The following SLC38A2 variants were observed in gnomAD, a reference collection of about 807,000 sequenced individuals.
SLC38A2 encodes solute carrier family 38 member 2.
Under a neutral mutation model 61.5 loss-of-function variants are expected in SLC38A2, and 11 were observed. That is an observed-to-expected ratio of 0.18 (90% CI 0.11 to 0.30). The LOEUF is 0.30. Ranked by LOEUF, SLC38A2 falls within the 10% of genes least tolerant of loss-of-function variation. The pLI is 1.00. For missense variants in SLC38A2, 522 were observed against 600.4 expected, an observed-to-expected ratio of 0.87 and a Z score of 1.36; for synonymous variants, 217 against 212.5, an observed-to-expected ratio of 1.02 and a Z score of -0.18.
intron 4 of SLC38A2, among the ~76,000 whole-genome samples, chr12:46,368,313 G>C (rs59371023): frequency 0.016 from 2,421 of 152,224 alleles, 63 homozygotes; most frequent in African/African-American, 0.054. Context: ...GTCTGTGCTA[G>C]AACAAGTAGG....
At chr12:46,362,232 G>A in intron 15 of SLC38A2, 52 bp downstream of exon 15, 1 of 1,380,890 alleles carries the variant, frequency 7.2e-7, no homozygotes, top group South Asian at 1.4e-5. Flanking sequence ...AAAATCAGTT[G>A]GGGAAATTTA....
chr12:46,371,523 C>G (rs1943200559), intron 1 of SLC38A2, 144 bp from the exon 2 acceptor site: 1 of 505,228 alleles, frequency 2.0e-6, no homozygotes, highest in Non-Finnish European at 3.5e-6. Context: ...CGGGGGCGCG[C>G]CGAGGGGCGG....
chr12:46,366,880 T>A lies in SLC38A2; in HGVS notation c.547A>T (p.Ile183Phe). 6.2e-7 allele frequency: 1 copy of A among 1,613,426 alleles called. No individual in the cohort carries two copies. The highest frequency in any genetic ancestry group is 8.5e-7 in the Non-Finnish European group (1 of 1,179,806). ...LPLVIQALTNIEDKTGLWYLN... is the reference protein window; with the variant it reads ...LPLVIQALTNFEDKTGLWYLN... Reference sequence around the variant, plus strand: ...AGCACCTACCCAGTTTTATCTTCAATGTTCGTTAATGCCTGGATCACCAAA... The same window carrying A: ...AGCACCTACCCAGTTTTATCTTCAAAGTTCGTTAATGCCTGGATCACCAAA... The change falls in exon 7 of 16, where the codon ATT (isoleucine) becomes TTT (phenylalanine). Residue 183 changes from isoleucine (I) to phenylalanine (F), a missense_variant. Around this residue, in one of 3 missense-constraint regions of SLC38A2, gnomAD observed 111 missense variants for 173.4 expected, o/e 0.64. Coordinates refer to ENST00000256689, the MANE Select transcript of SLC38A2 (RefSeq NM_018976.5).
At position 46,360,808 on chromosome 12, in the gene SLC38A2, C is replaced by A; in HGVS notation, c.*303G>T. ...ATATCCAAGTTAAACAATGACACAG[C>A]CAAGCATGTGGCTTGATAAAAGTTA... On this transcript the variant is annotated 3_prime_UTR_variant, in exon 16 of 16. Transcript: ENST00000256689. 3.3e-6 allele frequency: 1 copy of A among 302,730 alleles called. No individual in the cohort carries two copies. Among genetic ancestry groups the A allele is most frequent in the Non-Finnish European group, 6.1e-6 (1 of 164,836 alleles). The allele number at this position is 302,730 out of a possible 1,614,324, so 18.8% of individuals were successfully genotyped here.
intron 1 of SLC38A2, 99 bp from the exon 2 acceptor site, chr12:46,371,478 A>T (rs1384244577): frequency 7.1e-6 from 4 of 566,744 alleles, no homozygotes; most frequent in African/African-American, 2.0e-5. Flanking sequence ...ATCCCAGGCC[A>T]GGCGAGTGGA....
At chr12:46,368,338 G>A (rs1000112554) in intron 4 of SLC38A2, among the ~76,000 whole-genome samples, 9 of 152,094 alleles carry the variant, frequency 5.9e-5, no homozygotes, top group African/African-American at 9.7e-5. Context: ...CAGCTTGACT[G>A]TCTCTAAGCC....
chr12:46,363,841 A>T lies in SLC38A2; in HGVS notation c.954-15T>A, dbSNP rs773944949. Reference sequence around the variant, plus strand: ...TACGGCTGCGGCTATGTAATTCAAGAGAAAATTCAAATATATATTTCAGCA... The same window carrying T: ...TACGGCTGCGGCTATGTAATTCAAGTGAAAATTCAAATATATATTTCAGCA... On this transcript the variant is annotated splice_polypyrimidine_tract_variant and intron_variant, in intron 11 of 15. Transcript: ENST00000256689. The T allele has an allele frequency of 1.3e-6, 2 of 1,586,378 alleles. No homozygotes were observed. Among genetic ancestry groups the T allele is most frequent in the South Asian group, 2.3e-5 (2 of 86,208 alleles).
chr12:46,368,065 T>C (rs1011011351), intron 4 of SLC38A2, among the ~76,000 whole-genome samples: 2 of 151,922 alleles, frequency 1.3e-5, no homozygotes, highest in African/African-American at 4.8e-5. Flanking sequence ...AGCCCAGCAG[T>C]TTGCCACTGC....
At position 46,359,090 on chromosome 12, in the gene SLC38A2, A is replaced by C. The variant is rs988455178; in HGVS notation, c.*2021T>G. 5.9e-5 allele frequency: 1 copy of C among 16,854 alleles called. No homozygotes were observed. Among genetic ancestry groups the C allele is most frequent in the Non-Finnish European group, 9.0e-5 (1 of 11,078 alleles). 1.0% of individuals were successfully genotyped at this position (16,854 alleles called of 1,614,324 possible). A position where few individuals can be genotyped will look rare whatever the true frequency, so the allele number is the denominator to read the frequency against. On this transcript the variant is annotated 3_prime_UTR_variant, in exon 16 of 16. Transcript: ENST00000256689. ...GTTGCCACAGTATCTTCTCCCATAC[A>C]AAAAAAAAAAAAAAAGTCTGTAGAA...
intron 15 of SLC38A2, 94 bp downstream of exon 15, chr12:46,362,190 C>T (rs1483721323): frequency 9.8e-7 from 1 of 1,016,404 alleles, no homozygotes; most frequent in Non-Finnish European, 1.4e-6. Context: ...AAAAGTGAAA[C>T]CATAACAAAT....
rs2120519651 is a variant in SLC38A2 at position 46,360,918 on chromosome 12, TAACA to T, written c.*189_*192del. The stretch of plus-strand genomic sequence containing the variant: ...TGGTTTTGTTGTTCATATCCATTTC[TAACA>T]TACAGATAAGTTTCTTAAAAAAACA... On this transcript the variant is annotated 3_prime_UTR_variant, in exon 16 of 16. Transcript: ENST00000256689. The T allele has an allele frequency of 1.8e-6, 1 of 544,122 alleles. No individual in the cohort carries two copies. Among genetic ancestry groups the T allele is most frequent in the African/African-American group, 1.9e-5 (1 of 52,206 alleles). The allele number at this position is 544,122 out of a possible 1,614,324, so 33.7% of individuals were successfully genotyped here. A position where few individuals can be genotyped will look rare whatever the true frequency, so the allele number is the denominator to read the frequency against.
intron 4 of SLC38A2, among the ~76,000 whole-genome samples, chr12:46,369,032 A>C (rs1035742095): frequency 4.6e-5 from 7 of 152,246 alleles, no homozygotes; most frequent in Non-Finnish European, 1.0e-4. Context: ...CCATTAAGCA[A>C]AATGGTAAAT....
chr12:46,369,716 A>G (rs145454317), intron 4 of SLC38A2, among the ~76,000 whole-genome samples: 278 of 152,230 alleles, frequency 1.8e-3, no homozygotes, highest in African/African-American at 6.1e-3. Flanking sequence ...TTCCCTGGAA[A>G]TAAGATCCAC....
chr12:46,371,360 G>A lies in SLC38A2; in HGVS notation c.-67C>T. On this transcript the variant is annotated 5_prime_UTR_variant, in exon 2 of 16. Coordinates refer to ENST00000256689, the MANE Select transcript of SLC38A2 (RefSeq NM_018976.5). ...GCTCCTTTTGTCCTTGGCGGTGGGT[G>A]CAGCGGCCCGCGAGTCGGCCTGCGA... 1.5e-6 allele frequency: 2 copies of A among 1,291,062 alleles called. No homozygotes were observed. Among genetic ancestry groups the A allele is most frequent in the Admixed American group, 1.9e-5 (1 of 53,372 alleles). The allele number at this position is 1,291,062 out of a possible 1,614,324, so 80.0% of individuals were successfully genotyped here. A position where few individuals can be genotyped will look rare whatever the true frequency, so the allele number is the denominator to read the frequency against.
chr12:46,360,820 C>T lies in SLC38A2; in HGVS notation c.*291G>A. The T allele has an allele frequency of 3.0e-6, 1 of 333,160 alleles. No homozygotes were observed. The highest frequency in any genetic ancestry group is 5.4e-6 in the Non-Finnish European group (1 of 183,792). 20.6% of individuals were successfully genotyped at this position (333,160 alleles called of 1,614,324 possible). The stretch of plus-strand genomic sequence containing the variant: ...AACAATGACACAGCCAAGCATGTGG[C>T]TTGATAAAAGTTAAGAGTTTGTCCA... On this transcript the variant is annotated 3_prime_UTR_variant, in exon 16 of 16. Transcript: ENST00000256689.
chr12:46,361,216 A>G lies in SLC38A2; in HGVS notation c.1423-7T>C. On this transcript the variant is annotated splice_polypyrimidine_tract_variant and splice_region_variant and intron_variant, in intron 15 of 15. Coordinates refer to ENST00000256689, the MANE Select transcript of SLC38A2 (RefSeq NM_018976.5). The stretch of plus-strand genomic sequence containing the variant: ...TTAACAGGAAGAACAAAGCCTGCAA[A>G]GAGCATAGAGAAAATTGATCAGCAA... 1 of 1,609,388 alleles carries G rather than the reference A, an allele frequency of 6.2e-7. No individual in the cohort carries two copies. Among genetic ancestry groups the G allele is most frequent in the East Asian group, 2.2e-5 (1 of 44,844 alleles).
chr12:46,372,064 C>A (rs1182859602), intron 1 of SLC38A2, among the ~76,000 whole-genome samples: 2 of 152,228 alleles, frequency 1.3e-5, no homozygotes. Flanking sequence ...GATGCAATAT[C>A]GATCGTCGAT....
intron 2 of SLC38A2, 134 bp downstream of exon 2, chr12:46,371,044 G>T (rs1342963613): frequency 1.1e-6 from 1 of 879,968 alleles, no homozygotes; most frequent in Non-Finnish European, 1.9e-6. Context: ...CAAGATAATC[G>T]GATACTCTTT....
rs775864197 is a variant in SLC38A2, at chr12:46,364,521, C to T, written c.741G>A (p.Val247=). 13 of 1,611,822 alleles carry T rather than the reference C, an allele frequency of 8.1e-6. No homozygotes were observed. Among genetic ancestry groups the T allele is most frequent in the Non-Finnish European group, 1.1e-5 (13 of 1,179,020 alleles). ...TTTCGTTAATTATCAAAGCAGCTTC[C>T]ACAGGACACGGAACCTGAAATTTCT... is the stretch of plus-strand genomic sequence containing the variant. ...ICKKFQVPCP[V]EAALIINETI... The change falls in exon 10 of 16, where the codon GTG becomes GTA. Residue 247 remains valine (V), a synonymous_variant. Coordinates refer to ENST00000256689, the MANE Select transcript of SLC38A2 (RefSeq NM_018976.5).
Sources: gnomAD v4.1 joint callset for allele counts (sites outside exome capture counted in the v4.1 genomes callset) on GRCh38, gnomAD v4.1.1 for gene constraint, gnomAD v4.1.1 regional missense constraint, MANE v1.5 for transcripts, NCBI Gene and HGNC (gene_info 2026-07-23, HGNC 2026-07-21) for gene names.